The following CHRM3 variants were observed in gnomAD, a reference collection of about 807,000 sequenced individuals.
CHRM3 encodes cholinergic receptor muscarinic 3.
A neutral mutation model predicts 41.8 loss-of-function variants in CHRM3; 11 were observed. The ratio of observed to expected loss-of-function variants is 0.26; its 90% CI spans 0.17 to 0.44. The LOEUF (loss-of-function observed/expected upper bound fraction) is 0.44, where lower values mean the gene tolerates loss of function less well. Among genes scored for constraint, CHRM3 ranks in the 20% least tolerant of loss-of-function variants. The probability of loss-of-function intolerance (pLI) is 1.00; values close to 1 mark genes in which losing one functional copy is unlikely to be tolerated. For synonymous variants in CHRM3, 297 were observed against 301.4 expected, an observed-to-expected ratio of 0.99 and a Z score of 0.15; for missense variants, 571 against 745.4, an observed-to-expected ratio of 0.77 and a Z score of 2.72.
intron 5 of CHRM3, among the ~76,000 whole-genome samples, chr1:239,802,085 A>T (rs890422535): frequency 1.3e-5 from 2 of 151,960 alleles, no homozygotes; most frequent in Non-Finnish European, 2.9e-5. Flanking sequence ...TGAATCCCTG[A>T]CATTTCCAAA....
chr1:239,638,555 T>A (rs888475551), intron 4 of CHRM3, among the ~76,000 whole-genome samples: 2 of 152,258 alleles, frequency 1.3e-5, no homozygotes, highest in Non-Finnish European at 2.9e-5. Flanking sequence ...GCTGCATGAA[T>A]GTCTTCTTTT....
intron 6 of CHRM3, among the ~76,000 whole-genome samples, chr1:239,904,730 A>C (rs951363662): frequency 6.6e-6 from 1 of 152,238 alleles, no homozygotes; most frequent in African/African-American, 2.4e-5. Context: ...CCTATAATTG[A>C]AAATCAGTGC....
intron 6 of CHRM3, among the ~76,000 whole-genome samples, chr1:239,893,071 C>T (rs1006771781): frequency 2.0e-5 from 3 of 152,264 alleles, no homozygotes; most frequent in African/African-American, 4.8e-5. Flanking sequence ...GTCTCAGAAC[C>T]TTTCTGTGTC....
intron 1 of CHRM3, among the ~76,000 whole-genome samples, chr1:239,482,437 G>A (rs931062667): frequency 4.6e-5 from 7 of 152,182 alleles, no homozygotes; most frequent in Non-Finnish European, 1.0e-4. Context: ...TGTTTGGAAA[G>A]CCAAATATTC....
intron 1 of CHRM3, among the ~76,000 whole-genome samples, chr1:239,415,762 T>G (rs1481251456): frequency 6.6e-6 from 1 of 152,192 alleles, no homozygotes; most frequent in Non-Finnish European, 1.5e-5. Flanking sequence ...TGTAGTCTTC[T>G]AACACAATTC....
At chr1:239,565,690 A>G (rs1661293507) in intron 3 of CHRM3, among the ~76,000 whole-genome samples, 1 of 152,158 alleles carries the variant, frequency 6.6e-6, no homozygotes, top group South Asian at 2.1e-4. Flanking sequence ...AAAGTTTCAC[A>G]ATTAGATGAA....
chr1:239,421,671 G>A lies in CHRM3; in HGVS notation c.-521+34444G>A, dbSNP rs527613561. Among the ~76,000 whole-genome samples the A allele has an allele frequency of 5.9e-5, 9 of 152,158 alleles. No individual in the cohort carries two copies. In the South Asian group the frequency reaches 1.9e-3, roughly 32 times the overall value. Reference sequence around the variant, plus strand: ...ATTCTTAAATTGACCTTTATTACATGGTTTAGGAAATCAGGTGTTCTTAAC... The same window carrying A: ...ATTCTTAAATTGACCTTTATTACATAGTTTAGGAAATCAGGTGTTCTTAAC... On this transcript the variant is annotated intron_variant, in intron 1 of 6. Coordinates refer to ENST00000676153, the MANE Select transcript of CHRM3 (RefSeq NM_001375978.1).
At chr1:239,593,898 C>T (rs1325727464) in intron 3 of CHRM3, among the ~76,000 whole-genome samples, 2 of 152,130 alleles carry the variant, frequency 1.3e-5, no homozygotes, top group Non-Finnish European at 2.9e-5. Flanking sequence ...TAAGCAAGTT[C>T]ATCATTTACT....
chr1:239,681,663 G>A (rs1658577668), intron 5 of CHRM3, among the ~76,000 whole-genome samples: 1 of 152,198 alleles, frequency 6.6e-6, no homozygotes, highest in African/African-American at 2.4e-5. Flanking sequence ...GGAGGCCAAG[G>A]TGGGAGATTC....
intron 1 of CHRM3, among the ~76,000 whole-genome samples, chr1:239,477,464 A>G (rs927660642): frequency 3.9e-5 from 6 of 152,226 alleles, no homozygotes; most frequent in Non-Finnish European, 5.9e-5. Context: ...ACTGAAATCT[A>G]GAAATGTATT....
intron 5 of CHRM3, among the ~76,000 whole-genome samples, chr1:239,694,082 G>A (rs563311113): frequency 4.6e-5 from 7 of 152,092 alleles, no homozygotes; most frequent in South Asian, 2.1e-4. Flanking sequence ...GCTTCAGACC[G>A]TTAGATATCT....
intron 5 of CHRM3, among the ~76,000 whole-genome samples, chr1:239,826,266 C>T (rs2149075118): frequency 6.6e-6 from 1 of 152,274 alleles, no homozygotes; most frequent in Admixed American, 6.5e-5. Flanking sequence ...ACCACCCTCG[C>T]TCCCCATTTG....
At chr1:239,837,357 G>A (rs1221440216) in intron 6 of CHRM3, among the ~76,000 whole-genome samples, 3 of 152,080 alleles carry the variant, frequency 2.0e-5, no homozygotes, top group Admixed American at 1.3e-4. Flanking sequence ...AGAAATCATC[G>A]AATCCAACTT....
At chr1:239,671,832 G>A (rs902453745) in intron 4 of CHRM3, among the ~76,000 whole-genome samples, 4 of 152,096 alleles carry the variant, frequency 2.6e-5, no homozygotes, top group African/African-American at 4.8e-5. Flanking sequence ...AAGTCAGAAT[G>A]TATGGAAGAG....
At chr1:239,805,757 G>A (rs571446757) in intron 5 of CHRM3, among the ~76,000 whole-genome samples, 13 of 152,106 alleles carry the variant, frequency 8.5e-5, no homozygotes, top group African/African-American at 3.1e-4. Context: ...TATTGTAAGA[G>A]CTAAATGAAC....
rs776861962 is a variant in CHRM3, at chr1:239,907,828, C to T, written c.377C>T (p.Thr126Met). Residue 126 changes from threonine to methionine, a missense_variant, in exon 7 of 7, where the codon ACG (threonine) becomes ATG (methionine). Thr to Met is a moderately conservative substitution (Grantham distance 81, BLOSUM62 -1). This residue lies in a region of CHRM3 where 153 missense variants were observed against 296.3 expected (regional missense o/e 0.52). Coordinates refer to ENST00000676153, the MANE Select transcript of CHRM3 (RefSeq NM_001375978.1). The surrounding 1 kb of genome is among the most constrained non-coding windows in gnomAD (Gnocchi z 5.4). ...IIGVISMNLF[T>M]TYIIMNRWAL... is the part of the protein sequence containing the mutation. ...GGGGTCATTTCAATGAATCTGTTTA[C>T]GACCTACATCATCATGAATCGATGG... The T allele has an allele frequency of 6.2e-7, 1 of 1,614,206 alleles. No homozygotes were observed. The highest frequency in any genetic ancestry group is 8.5e-7 in the Non-Finnish European group (1 of 1,180,040).
intron 1 of CHRM3, among the ~76,000 whole-genome samples, chr1:239,405,039 G>C (rs1268853569): frequency 6.6e-6 from 1 of 151,876 alleles, no homozygotes; most frequent in East Asian, 1.9e-4. Flanking sequence ...TTATTTTCGT[G>C]AACAGTCTAA....
chr1:239,644,526 G>T (rs1178190334), intron 4 of CHRM3, among the ~76,000 whole-genome samples: 1 of 152,174 alleles, frequency 6.6e-6, no homozygotes. Flanking sequence ...ATCATTCTAT[G>T]CCTTAAATGG....
chr1:239,670,943 A>T (rs1176600300), intron 4 of CHRM3, among the ~76,000 whole-genome samples: 1 of 152,176 alleles, frequency 6.6e-6, no homozygotes, highest in Non-Finnish European at 1.5e-5. Flanking sequence ...GTATATATTA[A>T]ATATGTGTTT....
Sources: allele counts gnomAD v4.1 joint callset (sites outside exome capture counted in the v4.1 genomes callset), GRCh38; gene constraint gnomAD v4.1.1; regional missense constraint gnomAD v4.1.1; non-coding constraint Gnocchi (gnomAD v3.1); transcripts MANE v1.5; gene names NCBI Gene and HGNC (gene_info 2026-07-23, HGNC 2026-07-21).